Variants in AARS1 observed in about 807,000 individuals in gnomAD.
The protein encoded by AARS1 is alanyl-tRNA synthetase 1.
A neutral mutation model predicts 108.9 loss-of-function variants in AARS1; 72 were observed. That is an observed-to-expected ratio of 0.66 (90% CI 0.55 to 0.80). The LOEUF (loss-of-function observed/expected upper bound fraction) is 0.80, where lower values mean the gene tolerates loss of function less well. AARS1 is among the 30% of genes least tolerant of loss of function. The probability of loss-of-function intolerance (pLI) is 0.00; values close to 1 mark genes in which losing one functional copy is unlikely to be tolerated. For missense variants in AARS1, 1,193 were observed against 1,233.2 expected (o/e 0.97, Z 0.49); for synonymous variants, 489 against 465.7 (o/e 1.05, Z -0.64).
In AARS1 at chr16:70,252,545, G is replaced by A; in HGVS notation, c.*176C>T. ...TCTAGACCGATGGCACTGACGTGGA[G>A]GGCTCAGGGCAGAAATTTAAGGGGC... On this transcript the variant is annotated 3_prime_UTR_variant, in exon 21 of 21. Transcript: ENST00000261772. The A allele has an allele frequency of 1.5e-6, 1 of 675,866 alleles. No individual in the cohort carries two copies. The highest frequency in any genetic ancestry group is 2.6e-6 in the Non-Finnish European group (1 of 388,532). 41.9% of individuals were successfully genotyped at this position (675,866 alleles called of 1,614,324 possible). A position where few individuals can be genotyped will look rare whatever the true frequency, so the allele number is the denominator to read the frequency against.
At position 70,255,721 on chromosome 16, in the gene AARS1, T is replaced by C. The variant is rs1597433975; in HGVS notation, c.2286+7A>G. Reference sequence around the variant, plus strand: ...AGATAAGCCACAAACCAGCCTGACCTGCTCACCTTCTGGGCCTCGGCACCT... The same window carrying C: ...AGATAAGCCACAAACCAGCCTGACCCGCTCACCTTCTGGGCCTCGGCACCT... On this transcript the variant is annotated splice_region_variant and intron_variant, in intron 16 of 20. Transcript: ENST00000261772. The C allele has an allele frequency of 1.9e-6, 3 of 1,613,856 alleles. No homozygotes were observed. Among genetic ancestry groups the C allele is most frequent in the Non-Finnish European group, 2.5e-6 (3 of 1,179,746 alleles).
chr16:70,275,384 G>A (rs528407692), intron 4 of AARS1, among the ~76,000 whole-genome samples: 39 of 152,196 alleles, frequency 2.6e-4, no homozygotes, highest in Non-Finnish European at 4.6e-4. Context: ...GGGAGGCCAC[G>A]GCGGGCAGAT....
chr16:70,279,681 A>AG (rs1960647548), intron 2 of AARS1, among the ~76,000 whole-genome samples: 1 of 151,264 alleles, frequency 6.6e-6, no homozygotes, highest in Non-Finnish European at 1.5e-5. Flanking sequence ...AAAAAAAAAA[A>AG]AAAAAAGAAA....
chr16:70,287,137 G>C (rs950161468), intron 1 of AARS1, among the ~76,000 whole-genome samples: 1 of 150,178 alleles, frequency 6.7e-6, no homozygotes, highest in Non-Finnish European at 1.5e-5. Context: ...TGTAGTCCCA[G>C]CTAGCTACTC....
Position 70,276,568 on chromosome 16 carries a change from G to A in AARS1, c.397C>T (p.Leu133Phe), listed in dbSNP as rs747033926. 1.2e-6 allele frequency: 2 copies of A among 1,614,108 alleles called. No individual in the cohort carries two copies. The highest frequency in any genetic ancestry group is 2.2e-5 in the East Asian group (1 of 44,870). ...TQEFGIPIER[L>F]YVTYFGGDEA... The stretch of plus-strand genomic sequence containing the variant: ...TCCCCGCCAAAGTAAGTAACATAAA[G>A]TCTTTCAATGGGAATGCCAAACTCT... Residue 133 changes from leucine to phenylalanine, a missense_variant, in exon 4 of 21, where the codon CTT becomes TTT. By Grantham distance (22) the Leu-to-Phe change is conservative. Coordinates refer to ENST00000261772, the MANE Select transcript of AARS1 (RefSeq NM_001605.3).
chr16:70,262,997 A>C (rs1247849493), intron 11 of AARS1, among the ~76,000 whole-genome samples: 1 of 124,912 alleles, frequency 8.0e-6, no homozygotes, highest in Non-Finnish European at 1.6e-5. Context: ...AAAAAAAAAA[A>C]ACAACAACAA....
chr16:70,263,212 C>G (rs1200376947), intron 11 of AARS1, among the ~76,000 whole-genome samples: 3 of 151,956 alleles, frequency 2.0e-5, no homozygotes, highest in Non-Finnish European at 4.4e-5. Flanking sequence ...AATAAATTCC[C>G]TAGTCCAAGG....
chr16:70,257,833 G>A (rs558270276), intron 15 of AARS1, among the ~76,000 whole-genome samples, 200 bp downstream of exon 15: 35 of 152,254 alleles, frequency 2.3e-4, no homozygotes, highest in African/African-American at 6.3e-4. Context: ...GGAATGTTTC[G>A]TCAGGAAATG....
In AARS1 at chr16:70,265,446, CTT is replaced by C; in HGVS notation, c.1347+90_1347+91del. On this transcript the variant is annotated intron_variant, in intron 10 of 20. Coordinates refer to ENST00000261772, the MANE Select transcript of AARS1 (RefSeq NM_001605.3). ...TCTAGGGGAAAAAGCACTTCAAAGA[CTT>C]TAATGGAAGGAAACTCATGCTCAGT... The C allele has an allele frequency of 3.8e-6, 6 of 1,593,372 alleles. No individual in the cohort carries two copies. In the South Asian group the frequency reaches 6.7e-5, roughly 18 times the overall value.
In AARS1 at chr16:70,276,951, C is replaced by A. The variant is rs1960566325; in HGVS notation, c.333+15G>T. 1 of 1,614,078 alleles carries A rather than the reference C, an allele frequency of 6.2e-7. No homozygotes were observed. Among genetic ancestry groups the A allele is most frequent in the East Asian group, 2.2e-5 (1 of 44,882 alleles). ...TTTCCTCAAAACCCTAGTGGTTCTT[C>A]TGCTCTGAACTTACCTTAAAGTAAT... On this transcript the variant is annotated intron_variant, in intron 3 of 20. Coordinates refer to ENST00000261772, the MANE Select transcript of AARS1 (RefSeq NM_001605.3).
At chr16:70,254,821 G>A (rs1035365611) in intron 16 of AARS1, 87 bp from the exon 17 acceptor site, 7 of 883,958 alleles carry the variant, frequency 7.9e-6, no homozygotes, top group East Asian at 5.1e-5. Flanking sequence ...AAGCCCCGGC[G>A]GTAGGCCTTG....
rs143844046 is a variant in AARS1, at chr16:70,262,471, C to G, written c.1546G>C (p.Val516Leu). The G allele has an allele frequency of 6.8e-6, 11 of 1,614,064 alleles. No homozygotes were observed. The African/African-American group carries it at 1.3e-4, about 20-fold the overall frequency. Reference protein sequence around the residue: ...VMALRREKMFVEEVSTGQECG... With the variant: ...VMALRREKMFLEEVSTGQECG... The stretch of plus-strand genomic sequence containing the variant: ...TCCTGGCCTGTGGACACCTCTTCCA[C>G]GAACATCTTCTCCCTGCGCAGAGCC... Residue 516 changes from valine (V) to leucine (L), a missense_variant, in exon 12 of 21, where the codon GTG (valine) becomes CTG (leucine). Transcript: ENST00000261772.
intron 1 of AARS1, among the ~76,000 whole-genome samples, chr16:70,283,603 C>G (rs1009660681): frequency 6.6e-6 from 1 of 152,084 alleles, no homozygotes; most frequent in Non-Finnish European, 1.5e-5. Flanking sequence ...TTAATGTACA[C>G]GCCTAGAACT....
intron 9 of AARS1, 132 bp downstream of exon 9, chr16:70,267,527 C>A: frequency 8.5e-7 from 1 of 1,172,252 alleles, no homozygotes; most frequent in Non-Finnish European, 1.2e-6. Flanking sequence ...CCAGTTTGCA[C>A]CAAAAGCAAT....
rs1960244758 is a variant in AARS1 at position 70,265,680 on chromosome 16, G to A, written c.1223-18C>T. ...AGTGTCTCCTACACAGCACAAAGGA[G>A]GTGTGTCAAAAAAAACAGACAGCCC... On this transcript the variant is annotated intron_variant, in intron 9 of 20. Transcript: ENST00000261772. 4 of 1,611,728 alleles carry A rather than the reference G, an allele frequency of 2.5e-6. No homozygotes were observed. Among genetic ancestry groups the A allele is most frequent in the East Asian group, 2.2e-5 (1 of 44,750 alleles).
intron 5 of AARS1, among the ~76,000 whole-genome samples, chr16:70,270,837 C>CAAAAAA (rs1158290824): frequency 5.6e-5 from 3 of 53,436 alleles, no homozygotes; most frequent in Non-Finnish European, 1.2e-4. Flanking sequence ...AACTCCATCT[C>CAAAAAA]AAAAAAAAAA....
chr16:70,277,200 T>C (rs1356498894), intron 2 of AARS1, 46 bp from the exon 3 acceptor site: 1 of 1,586,422 alleles, frequency 6.3e-7, no homozygotes, highest in Admixed American at 1.7e-5. Flanking sequence ...GTGCAAGTGA[T>C]GTCAGGTGGC....
intron 17 of AARS1, 23 bp downstream of exon 17, chr16:70,254,598 G>C (rs769719604): frequency 6.6e-7 from 1 of 1,512,322 alleles, no homozygotes; most frequent in Non-Finnish European, 9.2e-7. Context: ...CCCTGAGGAC[G>C]GAGGGAGGGA....
chr16:70,258,275 C>T (rs1049688571), intron 14 of AARS1, 58 bp from the exon 15 acceptor site: 30 of 1,539,232 alleles, frequency 1.9e-5, no homozygotes, highest in Admixed American at 1.2e-4. Context: ...TGCGGTACGA[C>T]GAGGCAGGAA....
Sources: gnomAD v4.1 joint callset for allele counts (sites outside exome capture counted in the v4.1 genomes callset) on GRCh38, gnomAD v4.1.1 for gene constraint, MANE v1.5 for transcripts, NCBI Gene and HGNC (gene_info 2026-07-23, HGNC 2026-07-21) for gene names.